ECHDC3: variants seen among roughly 807,000 people sequenced by gnomAD.
The protein encoded by ECHDC3 is enoyl-CoA hydratase domain containing 3.
A neutral mutation model predicts 17.9 loss-of-function variants in ECHDC3; 20 were observed. The ratio of observed to expected loss-of-function variants is 1.12; its 90% CI spans 0.79 to 1.63. The LOEUF is 1.63. Among genes scored for constraint, ECHDC3 ranks in the 40% most tolerant of loss-of-function variants. The pLI is 0.00. For synonymous variants in ECHDC3, 177 were observed against 149.7 expected (o/e 1.18, Z -1.33); for missense variants, 407 against 357.7 (o/e 1.14, Z -1.11).
intron 4 of ECHDC3, among the ~76,000 whole-genome samples, chr10:11,761,104 C>T (rs1019815322): frequency 2.0e-5 from 3 of 152,166 alleles, no homozygotes; most frequent in African/African-American, 7.2e-5. Flanking sequence ...CATCTCCACC[C>T]ATGGTGGCAG....
At chr10:11,753,852 A>G (rs4750101) in intron 3 of ECHDC3, among the ~76,000 whole-genome samples, 141,981 of 152,114 alleles carry the variant, frequency 0.93, 67,105 homozygotes, top group East Asian at 1. Context: ...TCAGCTCACC[A>G]CAACCTCCAC....
chr10:11,755,724 C>A, intron 4 of ECHDC3, 116 bp downstream of exon 4: 3 of 1,040,700 alleles, frequency 2.9e-6, no homozygotes, highest in Non-Finnish European at 4.2e-6. Context: ...TCAGGACGTT[C>A]TGCCCAGAGT....
intron 3 of ECHDC3, among the ~76,000 whole-genome samples, chr10:11,750,047 C>T (rs1280463966): frequency 1.3e-5 from 2 of 152,158 alleles, no homozygotes; most frequent in African/African-American, 4.8e-5. Context: ...CCTCCTCCCT[C>T]GACCTTCCAA....
At chr10:11,748,270 C>G (rs1235628780) in intron 2 of ECHDC3, among the ~76,000 whole-genome samples, 1 of 151,962 alleles carries the variant, frequency 6.6e-6, no homozygotes, top group Non-Finnish European at 1.5e-5. Context: ...CCCTGTTGCC[C>G]AGGCTGGAGT....
intron 3 of ECHDC3, among the ~76,000 whole-genome samples, chr10:11,750,131 A>G (rs1174296023): frequency 2.0e-5 from 3 of 152,036 alleles, no homozygotes; most frequent in Non-Finnish European, 2.9e-5. Flanking sequence ...ATAATTTGCT[A>G]TTGATTTTGT....
At chr10:11,756,834 C>G (rs1291460619) in intron 4 of ECHDC3, among the ~76,000 whole-genome samples, 2 of 151,562 alleles carry the variant, frequency 1.3e-5, no homozygotes, top group Non-Finnish European at 2.9e-5. Flanking sequence ...CTGCAATGTT[C>G]AAGGGATTCT....
At position 11,756,386 on chromosome 10, in the gene ECHDC3, C is replaced by T. The variant is rs141092004; in HGVS notation, c.591+778C>T. On this transcript the variant is annotated intron_variant, in intron 4 of 4. Transcript: ENST00000379215. ...AAAGGGGGCAGAATCTTAGACCACACCAAGCAAAGAAGCTAAATTGCTTTC... is the reference window on the plus strand; with the variant it reads ...AAAGGGGGCAGAATCTTAGACCACATCAAGCAAAGAAGCTAAATTGCTTTC... 4.6e-5 allele frequency among the ~76,000 whole-genome samples: 7 copies of T among 152,296 alleles called. No homozygotes were observed. In the East Asian group the frequency reaches 9.6e-4, roughly 21 times the overall value.
intron 2 of ECHDC3, among the ~76,000 whole-genome samples, chr10:11,747,790 G>T (rs1022450194): frequency 6.6e-6 from 1 of 152,120 alleles, no homozygotes; most frequent in African/African-American, 2.4e-5. Flanking sequence ...TATAAAATGG[G>T]TTTAACCACT....
Position 11,742,582 on chromosome 10 carries a change from C to A in ECHDC3, c.6C>A (p.Ala2=). ...GTCTGGCCATCCCGAATGCTATGGC[C>A]GCCGTCGCCGTCTTGCGGGCCTTCG... is the stretch of plus-strand genomic sequence containing the variant. M[A]AVAVLRAFGA... Residue 2 remains alanine (A), a synonymous_variant, in exon 1 of 5, where the codon GCC becomes GCA. Transcript: ENST00000379215. 1 of 1,286,374 alleles carries A rather than the reference C, an allele frequency of 7.8e-7. No individual in the cohort carries two copies. The highest frequency in any genetic ancestry group is 2.5e-5 in the South Asian group (1 of 39,890). 79.7% of individuals were successfully genotyped at this position (1,286,374 alleles called of 1,614,324 possible).
At chr10:11,749,613 A>G (rs1463322475) in intron 3 of ECHDC3, 21 bp downstream of exon 3, 7 of 1,610,692 alleles carry the variant, frequency 4.3e-6, no homozygotes, top group Non-Finnish European at 5.9e-6. Context: ...ACGACAGTCG[A>G]CAGTGCAAAC....
rs767099876 is a variant in ECHDC3, at chr10:11,763,251, G to A, written c.619G>A (p.Glu207Lys). The change falls in exon 5 of 5, where the codon GAG (glutamate) becomes AAG (lysine). Residue 207 changes from glutamate (E) to lysine (K), a missense_variant. Glu to Lys is a moderately conservative substitution (Grantham distance 56). Transcript: ENST00000379215. The surrounding 1 kb of genome is among the most constrained non-coding windows in gnomAD (Gnocchi z 4.9). ...KVALEMLFTG[E>K]PISAQEALLH... is the part of the protein sequence containing the mutation. Reference sequence around the variant, plus strand: ...GGCCTTGGAGATGCTCTTTACTGGTGAGCCCATTTCTGCCCAGGAGGCCCT... The same window carrying A: ...GGCCTTGGAGATGCTCTTTACTGGTAAGCCCATTTCTGCCCAGGAGGCCCT... 2.1e-5 allele frequency: 16 copies of A among 779,524 alleles called. No homozygotes were observed. Among genetic ancestry groups the A allele is most frequent in the South Asian group, 1.1e-4 (8 of 74,564 alleles). 48.3% of individuals were successfully genotyped at this position (779,524 alleles called of 1,614,324 possible). A position where few individuals can be genotyped will look rare whatever the true frequency, so the allele number is the denominator to read the frequency against.
chr10:11,754,839 A>T (rs1832867636), intron 3 of ECHDC3, among the ~76,000 whole-genome samples: 1 of 152,236 alleles, frequency 6.6e-6, no homozygotes, highest in African/African-American at 2.4e-5. Context: ...CACCAAGCTT[A>T]GTGTCCTTGT....
rs1465014661 is a variant in ECHDC3, at chr10:11,742,684, C to T, written c.108C>T (p.Ala36=). The T allele has an allele frequency of 4.8e-6, 6 of 1,243,536 alleles. No homozygotes were observed. Among genetic ancestry groups the T allele is most frequent in the Admixed American group, 8.5e-5 (2 of 23,438 alleles). The allele number at this position is 1,243,536 out of a possible 1,614,324, so 77.0% of individuals were successfully genotyped here. Residue 36 remains alanine, a synonymous_variant, in exon 1 of 5, where the codon GCC becomes GCT. Coordinates refer to ENST00000379215, the MANE Select transcript of ECHDC3 (RefSeq NM_024693.5). ...LPARFCSRDP[A]GAGRRESEPR... Reference sequence around the variant, plus strand: ...CCCGCTTCTGCAGCCGGGACCCGGCCGGGGCGGGGCGGCGGGAGTCGGAGC... The same window carrying T: ...CCCGCTTCTGCAGCCGGGACCCGGCTGGGGCGGGGCGGCGGGAGTCGGAGC...
intron 4 of ECHDC3, among the ~76,000 whole-genome samples, chr10:11,756,892 T>C (rs1832891222): frequency 6.6e-6 from 1 of 152,034 alleles, no homozygotes; most frequent in African/African-American, 2.4e-5. Context: ...CGTGCCACCA[T>C]ACCCGGCTAA....
chr10:11,742,666 C>T lies in ECHDC3; in HGVS notation c.90C>T (p.Phe30=), dbSNP rs1050743352. The T allele has an allele frequency of 4.8e-6, 6 of 1,247,968 alleles. No individual in the cohort carries two copies. The highest frequency in any genetic ancestry group is 6.0e-6 in the Non-Finnish European group (6 of 998,092). The allele number at this position is 1,247,968 out of a possible 1,614,324, so 77.3% of individuals were successfully genotyped here. Residue 30 remains phenylalanine (F), a synonymous_variant, in exon 1 of 5, where the codon TTC becomes TTT. Transcript: ENST00000379215. The part of the protein sequence containing the change: ...RGPWAQLPAR[F]CSRDPAGAGR... ...CCTGGGCCCAGCTCCCCGCCCGCTT[C>T]TGCAGCCGGGACCCGGCCGGGGCGG...
intron 3 of ECHDC3, among the ~76,000 whole-genome samples, chr10:11,750,440 C>T (rs748649163): frequency 8.5e-5 from 13 of 152,182 alleles, no homozygotes; most frequent in Non-Finnish European, 1.8e-4. Flanking sequence ...TTAACCTCTT[C>T]GTTGTTGCTT....
Position 11,742,607 on chromosome 10 carries a change from G to T in ECHDC3, c.31G>T (p.Gly11Trp). 7.7e-7 allele frequency: 1 copy of T among 1,296,750 alleles called. No homozygotes were observed. The highest frequency in any genetic ancestry group is 9.8e-7 in the Non-Finnish European group (1 of 1,022,970). 80.3% of individuals were successfully genotyped at this position (1,296,750 alleles called of 1,614,324 possible). Residue 11 changes from glycine to tryptophan, a missense_variant, in exon 1 of 5, where the codon GGG (glycine) becomes TGG (tryptophan). Gly to Trp is a radical substitution (Grantham distance 184). Coordinates refer to ENST00000379215, the MANE Select transcript of ECHDC3 (RefSeq NM_024693.5). MAAVAVLRAF[G>W]ASGPMCLRRG... Reference sequence around the variant, plus strand: ...CGCCGTCGCCGTCTTGCGGGCCTTCGGGGCAAGTGGGCCCATGTGTCTCCG... The same window carrying T: ...CGCCGTCGCCGTCTTGCGGGCCTTCTGGGCAAGTGGGCCCATGTGTCTCCG...
rs1268601230 is a variant in ECHDC3 at position 11,742,636 on chromosome 10, C to T, written c.60C>T (p.Arg20=). The change falls in exon 1 of 5, where the codon CGC becomes CGT. Residue 20 remains arginine, a synonymous_variant. Transcript: ENST00000379215. The part of the protein sequence containing the change: ...FGASGPMCLR[R]GPWAQLPARF... ...CAAGTGGGCCCATGTGTCTCCGGCG[C>T]GGCCCCTGGGCCCAGCTCCCCGCCC... 2 of 1,272,038 alleles carry T rather than the reference C, an allele frequency of 1.6e-6. No individual in the cohort carries two copies. Among genetic ancestry groups the T allele is most frequent in the Admixed American group, 4.0e-5 (1 of 24,922 alleles). 78.8% of individuals were successfully genotyped at this position (1,272,038 alleles called of 1,614,324 possible). A position where few individuals can be genotyped will look rare whatever the true frequency, so the allele number is the denominator to read the frequency against.
intron 3 of ECHDC3, among the ~76,000 whole-genome samples, chr10:11,752,408 C>T (rs1225869812): frequency 2.6e-5 from 4 of 151,116 alleles, no homozygotes; most frequent in Non-Finnish European, 4.4e-5. Context: ...GTGTGAGCCA[C>T]AGCACCCGGC....
Sources: gnomAD v4.1 joint callset for allele counts (sites outside exome capture counted in the v4.1 genomes callset) on GRCh38, gnomAD v4.1.1 for gene constraint, Gnocchi (gnomAD v3.1) non-coding constraint, MANE v1.5 for transcripts, NCBI Gene and HGNC (gene_info 2026-07-23, HGNC 2026-07-21) for gene names.